CEMIP2: variants seen among roughly 807,000 people sequenced by gnomAD.
The protein encoded by CEMIP2 is cell surface hyaluronidase CEMIP2.
Under a neutral mutation model 146.9 loss-of-function variants are expected in CEMIP2, and 79 were observed. The observed-to-expected ratio is 0.54, with a 90% CI of 0.45 to 0.65. CEMIP2 has a LOEUF of 0.65. Ranked by LOEUF, CEMIP2 falls within the 30% of genes least tolerant of loss-of-function variation. The probability of loss-of-function intolerance (pLI) is 0.00; values close to 1 mark genes in which losing one functional copy is unlikely to be tolerated. For synonymous variants in CEMIP2, 601 were observed against 606.3 expected, an observed-to-expected ratio of 0.99 and a Z score of 0.13; for missense variants, 1,596 against 1,696.2, an observed-to-expected ratio of 0.94 and a Z score of 1.04.
At chr9:71,710,722 G>A (rs1209059445) in intron 16 of CEMIP2, among the ~76,000 whole-genome samples, 1 of 152,154 alleles carries the variant, frequency 6.6e-6, no homozygotes, top group Non-Finnish European at 1.5e-5. Flanking sequence ...CACATGGGCA[G>A]TAAGGAAACA....
chr9:71,727,405 A>G (rs62547016), intron 10 of CEMIP2, among the ~76,000 whole-genome samples: 10,720 of 152,278 alleles, frequency 0.07, 543 homozygotes, highest in South Asian at 0.19. Flanking sequence ...GCTCAAAAAT[A>G]TTTGATGAAA....
chr9:71,716,516 C>A lies in CEMIP2; in HGVS notation c.2435+1G>T. 3 of 1,587,782 alleles carry A rather than the reference C, an allele frequency of 1.9e-6. No individual in the cohort carries two copies. Among genetic ancestry groups the A allele is most frequent in the Admixed American group, 3.7e-5 (2 of 54,760 alleles). On this transcript the variant is annotated splice_donor_variant, in intron 14 of 23. Transcript: ENST00000377044. LOFTEE classifies it high-confidence loss of function. ...GTAAGTATTTTTAAGCAATTACAAA[C>A]CTGGCAAAGGTCAGTCCTATTCCAT...
At chr9:71,769,373 T>C (rs1050390018), upstream of CEMIP2, among the ~76,000 whole-genome samples, 1 of 152,222 alleles carries the variant, frequency 6.6e-6, no homozygotes, top group African/African-American at 2.4e-5. Flanking sequence ...AGCCCCTACC[T>C]GGCCAGGCGC....
intron 15 of CEMIP2, among the ~76,000 whole-genome samples, chr9:71,714,041 C>G (rs1422029127): frequency 6.6e-6 from 1 of 152,110 alleles, no homozygotes; most frequent in Non-Finnish European, 1.5e-5. Flanking sequence ...AGCATGGTGA[C>G]CTTTTTCCAG....
At chr9:71,696,303 A>G (rs1252295411) in intron 20 of CEMIP2, among the ~76,000 whole-genome samples, 1 of 152,200 alleles carries the variant, frequency 6.6e-6, no homozygotes, top group African/African-American at 2.4e-5. Flanking sequence ...ATGTCACTTT[A>G]ACAGTCAGAT....
chr9:71,706,810 CTTA>C (rs1822754496), intron 17 of CEMIP2, among the ~76,000 whole-genome samples: 1 of 150,984 alleles, frequency 6.6e-6, no homozygotes, highest in Non-Finnish European at 1.5e-5. Flanking sequence ...AGGCTAAAAG[CTTA>C]TTATTTATTT....
intron 1 of CEMIP2, 36 bp from the exon 2 acceptor site, chr9:71,750,421 G>A: frequency 7.2e-7 from 1 of 1,395,094 alleles, no homozygotes; most frequent in Non-Finnish European, 9.7e-7. Context: ...TTCAGTATGT[G>A]TAAATTCTTT....
rs1822921568 is a variant in CEMIP2, at chr9:71,712,068, A to G, written c.2769+15T>C. The G allele has an allele frequency of 6.2e-7, 1 of 1,612,034 alleles. No individual in the cohort carries two copies. The highest frequency in any genetic ancestry group is 1.3e-5 in the African/African-American group (1 of 74,936). Reference sequence around the variant, plus strand: ...TCACCATAGTCACTACGTAAGAACTACAGAACATACTTACATGTGGACCAA... The same window carrying G: ...TCACCATAGTCACTACGTAAGAACTGCAGAACATACTTACATGTGGACCAA... On this transcript the variant is annotated intron_variant, in intron 16 of 23. Coordinates refer to ENST00000377044, the MANE Select transcript of CEMIP2 (RefSeq NM_013390.3).
chr9:71,725,609 T>C lies in CEMIP2; in HGVS notation c.2150A>G (p.Tyr717Cys), dbSNP rs1244463788. 1 of 1,613,866 alleles carries C rather than the reference T, an allele frequency of 6.2e-7. No homozygotes were observed. Among genetic ancestry groups the C allele is most frequent in the African/African-American group, 1.3e-5 (1 of 74,920 alleles). The change falls in exon 11 of 24, where the codon TAT becomes TGT. Residue 717 changes from tyrosine (Y) to cysteine (C), a missense_variant. Transcript: ENST00000377044. ...KPELTPLGIF[Y>C]NNRVHSNFKA... ...AAAATTTGAATGGACCCTGTTGTTA[T>C]AAAATATACCCAATGGAGTGAGTTC...
intron 6 of CEMIP2, among the ~76,000 whole-genome samples, chr9:71,734,128 G>A (rs530068068): frequency 1.0e-3 from 152 of 152,226 alleles, no homozygotes; most frequent in Non-Finnish European, 1.4e-3. Flanking sequence ...GATTATAGGC[G>A]GGAGCCACTG....
intron 19 of CEMIP2, among the ~76,000 whole-genome samples, chr9:71,698,453 T>C (rs915326556): frequency 6.6e-6 from 1 of 152,216 alleles, no homozygotes; most frequent in African/African-American, 2.4e-5. Flanking sequence ...CAAAGCTGAT[T>C]TCTGGTTTGA....
chr9:71,699,259 A>G (rs1033372213), intron 19 of CEMIP2: 4 of 219,600 alleles, frequency 1.8e-5, no homozygotes, highest in African/African-American at 9.0e-5. Context: ...TCTATCATCT[A>G]CAGAATGAAA....
rs1473579788 is a variant in CEMIP2, at chr9:71,735,245, A to C, written c.1205-251T>G. Among the ~76,000 whole-genome samples, 5 of 152,220 alleles carry C rather than the reference A, an allele frequency of 3.3e-5. No homozygotes were observed. The South Asian group carries it at 8.3e-4, about 25-fold the overall frequency. ...TAGCCATGAAGGAACACAAGATGTC[A>C]CCTTAGTAAACCATTATTTTATACT... On this transcript the variant is annotated intron_variant, in intron 5 of 23. Transcript: ENST00000377044.
At chr9:71,718,270 G>C (rs1823127414) in intron 12 of CEMIP2, among the ~76,000 whole-genome samples, 191 bp from the exon 13 acceptor site, 1 of 152,040 alleles carries the variant, frequency 6.6e-6, no homozygotes. Flanking sequence ...AGTTTCCAGA[G>C]AACCAACTGC....
At chr9:71,731,890 T>C (rs1450492815) in intron 7 of CEMIP2, among the ~76,000 whole-genome samples, 2 of 152,222 alleles carry the variant, frequency 1.3e-5, no homozygotes, top group Non-Finnish European at 2.9e-5. Context: ...ATATAGTAAG[T>C]GCTCAAAATT....
At chr9:71,749,979 A>T in intron 2 of CEMIP2, 64 bp downstream of exon 2, 1 of 1,437,984 alleles carries the variant, frequency 7.0e-7, no homozygotes, top group Non-Finnish European at 9.3e-7. Flanking sequence ...TTTTTTAAGT[A>T]TTCTACTATT....
At position 71,689,647 on chromosome 9, in the gene CEMIP2, G is replaced by A. The variant is rs551464357; in HGVS notation, c.3851+445C>T. On this transcript the variant is annotated intron_variant, in intron 22 of 23. Transcript: ENST00000377044. ...CAATGCTGTCCAAGACCGTCAGTGCGACAGAGGGTTGCAAAGGTAAACTGC... is the reference window on the plus strand; with the variant it reads ...CAATGCTGTCCAAGACCGTCAGTGCAACAGAGGGTTGCAAAGGTAAACTGC... 7.2e-4 allele frequency among the ~76,000 whole-genome samples: 109 copies of A among 152,278 alleles called. 1 individual carries two copies. The highest frequency in any genetic ancestry group is 3.4e-3 in the Middle Eastern group (1 of 294).
chr9:71,729,546 G>T (rs183522184), intron 10 of CEMIP2, among the ~76,000 whole-genome samples: 1 of 151,944 alleles, frequency 6.6e-6, no homozygotes, highest in Non-Finnish European at 1.5e-5. Context: ...GTGAACCCGG[G>T]GGGTGGAGCT....
At chr9:71,714,154 G>A (rs190775550) in intron 15 of CEMIP2, among the ~76,000 whole-genome samples, 1 of 152,250 alleles carries the variant, frequency 6.6e-6, no homozygotes, top group Admixed American at 6.5e-5. Flanking sequence ...CCAACATTCT[G>A]CGACAGCACT....
Sources: allele counts gnomAD v4.1 joint callset (sites outside exome capture counted in the v4.1 genomes callset), GRCh38; gene constraint gnomAD v4.1.1; transcripts MANE v1.5; gene names NCBI Gene and HGNC (gene_info 2026-07-23, HGNC 2026-07-21).